The following MRTFA variants were observed in gnomAD, a reference collection of about 807,000 sequenced individuals.
MRTFA encodes the protein myocardin related transcription factor A.
A neutral mutation model predicts 83.5 loss-of-function variants in MRTFA; 20 were observed. The observed-to-expected ratio is 0.24, with a 90% CI of 0.17 to 0.35. MRTFA has a LOEUF of 0.35. Ranked by LOEUF, MRTFA falls within the 10% of genes least tolerant of loss-of-function variation. The pLI is 1.00. For synonymous variants in MRTFA, 659 were observed against 541.2 expected (o/e 1.22, Z -3.02); for missense variants, 1,200 against 1,224.7 (o/e 0.98, Z 0.30).
At chr22:40,523,144 T>C (rs1602379579) in intron 3 of MRTFA, among the ~76,000 whole-genome samples, 4 of 151,830 alleles carry the variant, frequency 2.6e-5, no homozygotes, top group African/African-American at 9.7e-5. Flanking sequence ...AAAAAAGTTG[T>C]CAAATTGTGA....
At chr22:40,497,060 A>G (rs1364995117) in intron 3 of MRTFA, among the ~76,000 whole-genome samples, 1 of 152,214 alleles carries the variant, frequency 6.6e-6, no homozygotes, top group Non-Finnish European at 1.5e-5. Flanking sequence ...CAGAAAGGTG[A>G]AACACCTGCC....
intron 1 of MRTFA, among the ~76,000 whole-genome samples, chr22:40,598,783 A>G (rs2056222096): frequency 6.6e-6 from 1 of 151,306 alleles, no homozygotes; most frequent in African/African-American, 2.4e-5. Context: ...ACCTGAGGTC[A>G]GGAGTTCAGC....
In MRTFA at chr22:40,602,325, A is replaced by G. The variant is rs376610340; in HGVS notation, c.-83-7590T>C. On this transcript the variant is annotated intron_variant, in intron 1 of 14. Coordinates refer to ENST00000355630, the MANE Select transcript of MRTFA (RefSeq NM_020831.6). The stretch of plus-strand genomic sequence containing the variant: ...CAAGTCATGTGTGCTAAGTACTTCA[A>G]TACAGGAGTTAACTAAGGGATATGG... Among the ~76,000 whole-genome samples the G allele has an allele frequency of 3.3e-5, 5 of 152,228 alleles. No individual in the cohort carries two copies. In the South Asian group the frequency reaches 1.0e-3, roughly 31 times the overall value.
chr22:40,552,259 C>G lies in MRTFA; in HGVS notation c.88G>C (p.Glu30Gln). The G allele has an allele frequency of 2.5e-6, 1 of 399,050 alleles. No individual in the cohort carries two copies. The allele number at this position is 399,050 out of a possible 1,614,324, so 24.7% of individuals were successfully genotyped here. A position where few individuals can be genotyped will look rare whatever the true frequency, so the allele number is the denominator to read the frequency against. The change falls in exon 3 of 15, where the codon GAA becomes CAA. Residue 30 changes from glutamate to glutamine, a missense_variant. By Grantham distance (29) the Glu-to-Gln change is conservative. This residue lies in a region of MRTFA where 93 missense variants were observed against 182.9 expected (regional missense o/e 0.51). Coordinates refer to ENST00000355630, the MANE Select transcript of MRTFA (RefSeq NM_020831.6). ...GCAGATAAGGACACGAGCACTGGTT[C>G]ATCATCATTTTCGCCGGCCCCTCCT...
At chr22:40,515,929 TA>T (rs2054750557) in intron 3 of MRTFA, among the ~76,000 whole-genome samples, 2 of 152,098 alleles carry the variant, frequency 1.3e-5, no homozygotes, top group African/African-American at 2.4e-5. Context: ...CACACATAAA[TA>T]TACTATTTCC....
At chr22:40,455,866 C>G (rs2053578454) in intron 4 of MRTFA, among the ~76,000 whole-genome samples, 1 of 145,632 alleles carries the variant, frequency 6.9e-6, no homozygotes. Context: ...TGAAGTCTCA[C>G]TCTGTCGCCC....
intron 3 of MRTFA, among the ~76,000 whole-genome samples, chr22:40,550,048 CAAAAAAAA>C (rs3044559): frequency 4.0e-4 from 52 of 130,296 alleles, no homozygotes; most frequent in Admixed American, 5.4e-4. Context: ...GACTCTGTTG[CAAAAAAAA>C]AAAAAAAAAA....
chr22:40,490,634 AT>A (rs2054258212), intron 3 of MRTFA, among the ~76,000 whole-genome samples: 1 of 151,876 alleles, frequency 6.6e-6, no homozygotes, highest in African/African-American at 2.4e-5. Flanking sequence ...AAGAAAAAAA[AT>A]ATTCTCTCTG....
chr22:40,591,782 G>C lies in MRTFA; in HGVS notation c.-22+2892C>G, dbSNP rs536542033. ...TATCTCACTAAACCATAAAAAGGAAGTGGCCAAGAGGAAAAGTACAGTAAT... is the reference window on the plus strand; with the variant it reads ...TATCTCACTAAACCATAAAAAGGAACTGGCCAAGAGGAAAAGTACAGTAAT... On this transcript the variant is annotated intron_variant, in intron 2 of 14. Coordinates refer to ENST00000355630, the MANE Select transcript of MRTFA (RefSeq NM_020831.6). Among the ~76,000 whole-genome samples the C allele has an allele frequency of 3.3e-5, 5 of 152,280 alleles. No homozygotes were observed. The South Asian group carries it at 1.0e-3, about 32-fold the overall frequency.
chr22:40,519,439 G>A (rs960545679), intron 3 of MRTFA: 16 of 1,333,672 alleles, frequency 1.2e-5, no homozygotes, highest in Non-Finnish European at 1.4e-5. Context: ...AGAGATGAAG[G>A]CGATGTTGTT....
At position 40,418,222 on chromosome 22, in the gene MRTFA, C is replaced by G. The variant is rs1049304358; in HGVS notation, c.2364+152G>C. The G allele has an allele frequency of 5.6e-6, 8 of 1,417,770 alleles. No individual in the cohort carries two copies. The African/African-American group carries it at 7.3e-5, about 13-fold the overall frequency. 87.8% of individuals were successfully genotyped at this position (1,417,770 alleles called of 1,614,324 possible). On this transcript the variant is annotated intron_variant, in intron 12 of 14. Coordinates refer to ENST00000355630, the MANE Select transcript of MRTFA (RefSeq NM_020831.6). ...GGTCTGAGGCAGGTCCCTTAACTTT[C>G]CTAAGTCTCAGTACCCCCCTGGTGA...
intron 1 of MRTFA, among the ~76,000 whole-genome samples, chr22:40,609,059 G>A (rs1239929360): frequency 2.6e-5 from 4 of 152,050 alleles, no homozygotes; most frequent in Non-Finnish European, 5.9e-5. Context: ...TTGGGAGGCC[G>A]AGGCAGGCGG....
intron 3 of MRTFA, among the ~76,000 whole-genome samples, chr22:40,467,371 A>T (rs1432944768): frequency 6.6e-6 from 1 of 152,184 alleles, no homozygotes; most frequent in Non-Finnish European, 1.5e-5. Context: ...TAGACTAAAA[A>T]TGATCCATCG....
chr22:40,461,340 A>G (rs534072669), intron 4 of MRTFA, among the ~76,000 whole-genome samples: 121 of 152,044 alleles, frequency 8.0e-4, no homozygotes, highest in African/African-American at 2.8e-3. Flanking sequence ...AAAGCCTTCA[A>G]TGGCTTCCCA....
chr22:40,453,728 T>TAA (rs957726227), intron 4 of MRTFA, among the ~76,000 whole-genome samples: 22 of 148,576 alleles, frequency 1.5e-4, no homozygotes, highest in African/African-American at 5.4e-4. Flanking sequence ...CAATTTTAGT[T>TAA]AAAAAAAAAA....
At chr22:40,600,656 A>G (rs140730986) in intron 1 of MRTFA, among the ~76,000 whole-genome samples, 1 of 152,304 alleles carries the variant, frequency 6.6e-6, no homozygotes. Flanking sequence ...TTAAGGTACC[A>G]TAACATATGC....
At chr22:40,417,744 ACC>A in intron 12 of MRTFA, 1 of 480,308 alleles carries the variant, frequency 2.1e-6, no homozygotes. Context: ...TGGGCTGGTC[ACC>A]CCCTGAGATT....
intron 3 of MRTFA, among the ~76,000 whole-genome samples, chr22:40,483,370 TAA>T: frequency 6.9e-6 from 1 of 144,774 alleles, no homozygotes; most frequent in Non-Finnish European, 1.5e-5. Context: ...AGACCTAAAG[TAA>T]TTTTTTTTTT....
At chr22:40,421,132 G>C (rs2052830010) in intron 9 of MRTFA, 32 bp from the exon 10 acceptor site, 3 of 1,506,794 alleles carry the variant, frequency 2.0e-6, no homozygotes, top group African/African-American at 2.8e-5. Flanking sequence ...TGCCATTCAG[G>C]GGCAGCCTCA....
Sources: allele counts gnomAD v4.1 joint callset (sites outside exome capture counted in the v4.1 genomes callset), GRCh38; gene constraint gnomAD v4.1.1; regional missense constraint gnomAD v4.1.1; transcripts MANE v1.5; gene names NCBI Gene and HGNC (gene_info 2026-07-23, HGNC 2026-07-21).